ZMYM4: variants seen among roughly 807,000 people sequenced by gnomAD.
ZMYM4 encodes the protein zinc finger MYM-type containing 4, also known as zinc finger MYM-type protein 4.
ZMYM4 carries 31 observed loss-of-function variants against 183.2 expected under a neutral mutation model. That is an observed-to-expected ratio of 0.17 (90% CI 0.13 to 0.23). The LOEUF is 0.23. Ranked by LOEUF, ZMYM4 falls within the 10% of genes least tolerant of loss-of-function variation. The probability of loss-of-function intolerance (pLI) is 1.00; values close to 1 mark genes in which losing one functional copy is unlikely to be tolerated. For synonymous variants in ZMYM4, 592 were observed against 631.2 expected, an observed-to-expected ratio of 0.94 and a Z score of 0.93; for missense variants, 1,273 against 1,840.3, an observed-to-expected ratio of 0.69 and a Z score of 5.64.
chr1:35,323,607 G>C (rs1308900954), intron 1 of ZMYM4, among the ~76,000 whole-genome samples: 1 of 151,218 alleles, frequency 6.6e-6, no homozygotes, highest in African/African-American at 2.4e-5. Flanking sequence ...GCAGTGGCAC[G>C]ATCTCAGCTC....
At chr1:35,288,953 G>A (rs556046199) in intron 1 of ZMYM4, among the ~76,000 whole-genome samples, 30 of 152,302 alleles carry the variant, frequency 2.0e-4, no homozygotes, top group African/African-American at 6.7e-4. Flanking sequence ...CATTAGTACA[G>A]AAGAGATTCA....
intron 1 of ZMYM4, among the ~76,000 whole-genome samples, chr1:35,308,467 A>G (rs545857726): frequency 6.6e-5 from 10 of 152,264 alleles, no homozygotes; most frequent in Admixed American, 2.0e-4. Flanking sequence ...ATCTCTCATA[A>G]TTTGGTGGTT....
At chr1:35,362,293 A>G (rs1643956072) in intron 5 of ZMYM4, among the ~76,000 whole-genome samples, 2 of 152,230 alleles carry the variant, frequency 1.3e-5, no homozygotes, top group South Asian at 2.1e-4. Context: ...TGAATGATAC[A>G]TGATTCCAAG....
At chr1:35,331,710 C>T (rs887152178) in intron 2 of ZMYM4, among the ~76,000 whole-genome samples, 2 of 151,634 alleles carry the variant, frequency 1.3e-5, no homozygotes, top group Non-Finnish European at 2.9e-5. Context: ...TCACTTGAAC[C>T]CTGGAAGTGG....
chr1:35,313,125 C>A (rs866586124), intron 1 of ZMYM4, among the ~76,000 whole-genome samples: 6 of 152,212 alleles, frequency 3.9e-5, no homozygotes, highest in Middle Eastern at 6.8e-3. Context: ...AACTCCTGAC[C>A]TCAGGTGATC....
intron 26 of ZMYM4, among the ~76,000 whole-genome samples, chr1:35,413,097 C>T (rs1639980951): frequency 6.6e-6 from 1 of 151,928 alleles, no homozygotes; most frequent in South Asian, 2.1e-4. Context: ...GGCTGAAGTG[C>T]AGTGATATGA....
At chr1:35,299,049 T>TTTA (rs538198933) in intron 1 of ZMYM4, among the ~76,000 whole-genome samples, 1 of 151,668 alleles carries the variant, frequency 6.6e-6, no homozygotes, top group African/African-American at 2.4e-5. Flanking sequence ...TTTTTTTTTT[T>TTTA]AAGAAACAGA....
intron 1 of ZMYM4, among the ~76,000 whole-genome samples, chr1:35,285,493 A>G (rs956155990): frequency 8.5e-5 from 13 of 152,168 alleles, no homozygotes; most frequent in Admixed American, 3.3e-4. Flanking sequence ...CTTTGTATCT[A>G]TGAGTTCCAC....
At position 35,393,744 on chromosome 1, in the gene ZMYM4, G is replaced by C; in HGVS notation, c.2911+5G>C. The C allele has an allele frequency of 6.3e-7, 1 of 1,592,000 alleles. No homozygotes were observed. Among genetic ancestry groups the C allele is most frequent in the South Asian group, 1.2e-5 (1 of 86,520 alleles). On this transcript the variant is annotated splice_donor_5th_base_variant and intron_variant, in intron 18 of 29. Transcript: ENST00000314607. Reference sequence around the variant, plus strand: ...AAAACAAAGAATGCCAGACAGGTATGTTCCTTGGTCTTTCTTTCTTTATTA... The same window carrying C: ...AAAACAAAGAATGCCAGACAGGTATCTTCCTTGGTCTTTCTTTCTTTATTA...
intron 7 of ZMYM4, 112 bp from the exon 8 acceptor site, chr1:35,381,147 T>A: frequency 1.2e-6 from 1 of 843,288 alleles, no homozygotes; most frequent in Non-Finnish European, 1.7e-6. Flanking sequence ...TAAATTCCAG[T>A]GTTATTTCCC....
At chr1:35,269,366 G>C (rs1436969861) in intron 1 of ZMYM4, among the ~76,000 whole-genome samples, 1 of 151,748 alleles carries the variant, frequency 6.6e-6, no homozygotes, top group Admixed American at 6.6e-5. Context: ...GGCCCAGGGA[G>C]GGGAGGTGTC....
intron 2 of ZMYM4, among the ~76,000 whole-genome samples, chr1:35,325,953 G>T (rs886098385): frequency 6.6e-6 from 1 of 152,118 alleles, no homozygotes; most frequent in Non-Finnish European, 1.5e-5. Context: ...ATATATGTGT[G>T]TAGGAATCAT....
intron 5 of ZMYM4, among the ~76,000 whole-genome samples, chr1:35,365,196 CCT>C: frequency 6.6e-6 from 1 of 150,954 alleles, no homozygotes; most frequent in Non-Finnish European, 1.5e-5. Context: ...TTACTCAAGC[CCT>C]CATGGCCAGG....
At chr1:35,418,715 T>A in intron 29 of ZMYM4, 143 bp downstream of exon 29, 1 of 1,001,226 alleles carries the variant, frequency 1.0e-6, no homozygotes, top group Non-Finnish European at 1.5e-6. Context: ...TTGTCATATC[T>A]ATGTGGATTT....
intron 1 of ZMYM4, among the ~76,000 whole-genome samples, chr1:35,320,436 A>G (rs188316002): frequency 1.2e-4 from 19 of 152,324 alleles, no homozygotes; most frequent in Admixed American, 6.5e-4. Context: ...CATCCTATGC[A>G]TCTCTTTCAT....
At chr1:35,317,098 G>A (rs1350727124) in intron 1 of ZMYM4, among the ~76,000 whole-genome samples, 2 of 149,324 alleles carry the variant, frequency 1.3e-5, no homozygotes, top group Non-Finnish European at 3.0e-5. Flanking sequence ...CTCCAGCCTG[G>A]GGGACAAGAG....
chr1:35,297,817 A>G (rs1641092963), intron 1 of ZMYM4, among the ~76,000 whole-genome samples: 1 of 152,198 alleles, frequency 6.6e-6, no homozygotes, highest in Admixed American at 6.5e-5. Flanking sequence ...AAGCCTAAGG[A>G]CACAACGAAA....
chr1:35,340,522 TC>T (rs1558035499), intron 2 of ZMYM4, among the ~76,000 whole-genome samples: 1 of 151,530 alleles, frequency 6.6e-6, no homozygotes, highest in Non-Finnish European at 1.5e-5. Flanking sequence ...AACTAGATGG[TC>T]CTATCTGGGA....
intron 1 of ZMYM4, among the ~76,000 whole-genome samples, chr1:35,316,736 C>A (rs573345432): frequency 3.3e-4 from 50 of 152,216 alleles, no homozygotes; most frequent in African/African-American, 1.1e-3. Context: ...AACACAGGAA[C>A]TGAAAAATTA....
Sources: allele counts gnomAD v4.1 joint callset (sites outside exome capture counted in the v4.1 genomes callset), GRCh38; gene constraint gnomAD v4.1.1; transcripts MANE v1.5; gene names NCBI Gene and HGNC (gene_info 2026-07-23, HGNC 2026-07-21).